The following ASIC3 variants were observed in gnomAD, a reference collection of about 807,000 sequenced individuals.
ASIC3 encodes acid sensing ion channel subunit 3.
ASIC3 carries 46 observed loss-of-function variants against 58.6 expected under a neutral mutation model. The ratio of observed to expected loss-of-function variants is 0.79; its 90% CI spans 0.62 to 1.00. The LOEUF is 1.00. ASIC3 is among the 50% of genes least tolerant of loss of function. The pLI, the probability that ASIC3 is intolerant of heterozygous loss-of-function variation, is 0.00. For missense variants in ASIC3, 770 were observed against 735.0 expected, an observed-to-expected ratio of 1.05 and a Z score of -0.55; for synonymous variants, 336 against 300.2, an observed-to-expected ratio of 1.12 and a Z score of -1.23.
At chr7:151,051,697 G>A in intron 6 of ASIC3, 113 bp from the exon 7 acceptor site, 1 of 1,107,546 alleles carries the variant, frequency 9.0e-7, no homozygotes, top group Admixed American at 1.8e-5. Flanking sequence ...GAGCCACCGT[G>A]CCCGGCCTCT....
rs371256322 is a variant in ASIC3 at position 151,051,771 on chromosome 7, C to T, written c.1215-39C>T. 2.6e-5 allele frequency: 42 copies of T among 1,598,670 alleles called. No homozygotes were observed. In the African/African-American group the frequency reaches 3.8e-4, roughly 14 times the overall value. On this transcript the variant is annotated intron_variant, in intron 6 of 10. Coordinates refer to ENST00000349064, the MANE Select transcript of ASIC3 (RefSeq NM_004769.4). ...CTTCTTGCCAGCAGTGGGCACCAGGCGGTGGCCAGCCCACATTTGAGGCCA... is the reference window on the plus strand; with the variant it reads ...CTTCTTGCCAGCAGTGGGCACCAGGTGGTGGCCAGCCCACATTTGAGGCCA...
intron 2 of ASIC3, 72 bp downstream of exon 2, chr7:151,050,328 A>AGAGGAGGT (rs1237461257): frequency 1.9e-6 from 3 of 1,574,868 alleles, no homozygotes; most frequent in African/African-American, 2.7e-5. Context: ...GGAGAGGAGG[A>AGAGGAGGT]GAGGAGGTGT....
chr7:151,050,520 A>G lies in ASIC3; in HGVS notation c.725A>G (p.His242Arg). 1 of 1,614,014 alleles carries G rather than the reference A, an allele frequency of 6.2e-7. No individual in the cohort carries two copies. Among genetic ancestry groups the G allele is most frequent in the East Asian group, 2.2e-5 (1 of 44,884 alleles). Residue 242 changes from histidine (H) to arginine (R), a missense_variant, in exon 3 of 11, where the codon CAC (histidine) becomes CGC (arginine). Transcript: ENST00000349064. ...PFEVGIRVQI[H>R]SQEEPPIIDQ... Reference sequence around the variant, plus strand: ...GAGGTGGGGATCCGAGTGCAGATCCACAGCCAGGAGGAGCCGCCCATCATC... The same window carrying G: ...GAGGTGGGGATCCGAGTGCAGATCCGCAGCCAGGAGGAGCCGCCCATCATC...
rs1165139946 is a variant in ASIC3, at chr7:151,050,343, G to C, written c.685+87G>C. On this transcript the variant is annotated intron_variant, in intron 2 of 10. Coordinates refer to ENST00000349064, the MANE Select transcript of ASIC3 (RefSeq NM_004769.4). ...GGAGAGGAGGAGAGGAGGTGTCAGG[G>C]TGTTCCCCCAGAACCTGTGAAAGGG... 1.9e-6 allele frequency: 3 copies of C among 1,568,952 alleles called. No homozygotes were observed. In the East Asian group the frequency reaches 6.8e-5, roughly 35 times the overall value.
chr7:151,048,913 G>A lies in ASIC3; in HGVS notation c.28G>A (p.Ala10Thr). The A allele has an allele frequency of 6.4e-7, 1 of 1,559,878 alleles. No homozygotes were observed. The highest frequency in any genetic ancestry group is 8.7e-7 in the Non-Finnish European group (1 of 1,149,002). The change falls in exon 1 of 11, where the codon GCC becomes ACC. Residue 10 changes from alanine to threonine, a missense_variant. Coordinates refer to ENST00000349064, the MANE Select transcript of ASIC3 (RefSeq NM_004769.4). ...GAAGCCCACCTCAGGCCCAGAGGAG[G>A]CCCGGCGGCCAGCCTCGGACATCCG... The part of the protein sequence containing the change: MKPTSGPEE[A>T]RRPASDIRVF...
chr7:151,051,080 GCCCA>G lies in ASIC3; in HGVS notation c.1055_1058del (p.His352ArgfsTer3), dbSNP rs759214498. The G allele has an allele frequency of 1.2e-6, 2 of 1,612,704 alleles. No homozygotes were observed. Among genetic ancestry groups the G allele is most frequent in the Non-Finnish European group, 1.7e-6 (2 of 1,179,906 alleles). On this transcript the variant is annotated frameshift_variant, in exon 5 of 11. Coordinates refer to ENST00000349064, the MANE Select transcript of ASIC3 (RefSeq NM_004769.4). LOFTEE classifies it high-confidence loss of function. Reference sequence around the variant, plus strand: ...CAGCCCCCAGCAGTACAAGAACTGTGCCCACCCGGCCATAGGTAAGGGCGAGCCT... The same window carrying G: ...CAGCCCCCAGCAGTACAAGAACTGTGCCCGGCCATAGGTAAGGGCGAGCCT...
In ASIC3 at chr7:151,049,129, C is replaced by T. The variant is rs1488882882; in HGVS notation, c.244C>T (p.His82Tyr). The change falls in exon 1 of 11, where the codon CAC (histidine) becomes TAC (tyrosine). Residue 82 changes from histidine (H) to tyrosine (Y), a missense_variant. Physicochemically the swap from His to Tyr is moderately conservative, Grantham distance 83 (BLOSUM62 2). Transcript: ENST00000349064. ...HQTALDERESHRLIFPAVTLC... is the reference protein window; with the variant it reads ...HQTALDERESYRLIFPAVTLC... ...GACTGCCCTGGATGAGCGAGAAAGCCACCGGCTCATCTTCCCGGCTGTCAC... is the reference window on the plus strand; with the variant it reads ...GACTGCCCTGGATGAGCGAGAAAGCTACCGGCTCATCTTCCCGGCTGTCAC... The T allele has an allele frequency of 6.2e-7, 1 of 1,613,894 alleles. No homozygotes were observed. The highest frequency in any genetic ancestry group is 1.1e-5 in the South Asian group (1 of 91,084).
intron 6 of ASIC3, among the ~76,000 whole-genome samples, 166 bp downstream of exon 6, chr7:151,051,485 G>A (rs1165135207): frequency 6.6e-6 from 1 of 151,972 alleles, no homozygotes; most frequent in Non-Finnish European, 1.5e-5. Context: ...TTCTGGCCCC[G>A]GGGGATGCTG....
In ASIC3 at chr7:151,050,491, G is replaced by A. The variant is rs1043938657; in HGVS notation, c.696G>A (p.Pro232=). 1.2e-5 allele frequency: 20 copies of A among 1,613,706 alleles called. No homozygotes were observed. The African/African-American group carries it at 1.7e-4, about 14-fold the overall frequency. The change falls in exon 3 of 11, where the codon CCG becomes CCA. Residue 232 remains proline (P), a synonymous_variant. Transcript: ENST00000349064. ...LPVWRDNEET[P]FEVGIRVQIH... ...GTCCCTCCCCGACAGAGGAGACCCC[G>A]TTTGAGGTGGGGATCCGAGTGCAGA...
chr7:151,050,079 G>A, intron 1 of ASIC3, 27 bp from the exon 2 acceptor site: 1 of 1,613,586 alleles, frequency 6.2e-7, no homozygotes, highest in Non-Finnish European at 8.5e-7. Flanking sequence ...TGGGGGAGAT[G>A]GCCATCACCC....
rs757647609 is a variant in ASIC3 at position 151,049,200 on chromosome 7, C to T, written c.315C>T (p.Asn105=). Residue 105 remains asparagine (N), a synonymous_variant, in exon 1 of 11, where the codon AAC becomes AAT. Transcript: ENST00000349064. ...TGCGCCGCTCGCGCCTAACGCCCAA[C>T]GACCTGCACTGGGCTGGGTCTGCGC... ...NPLRRSRLTP[N]DLHWAGSALL... The T allele has an allele frequency of 7.4e-6, 12 of 1,613,188 alleles. No homozygotes were observed. The highest frequency in any genetic ancestry group is 2.2e-5 in the East Asian group (1 of 44,884).
In ASIC3 at chr7:151,049,276, C is replaced by T. The variant is rs759793510; in HGVS notation, c.391C>T (p.Arg131Trp). The T allele has an allele frequency of 9.3e-6, 15 of 1,612,346 alleles. No homozygotes were observed. The highest frequency in any genetic ancestry group is 1.6e-4 in the Middle Eastern group (1 of 6,084). The change falls in exon 1 of 11, where the codon CGG becomes TGG. Residue 131 changes from arginine (R) to tryptophan (W), a missense_variant. By Grantham distance (101) the Arg-to-Trp change is moderately radical. Coordinates refer to ENST00000349064, the MANE Select transcript of ASIC3 (RefSeq NM_004769.4). Reference protein sequence around the residue: ...EHAAFLRALGRPPAPPGFMPS... With the variant: ...EHAAFLRALGWPPAPPGFMPS... Reference sequence around the variant, plus strand: ...CGCCGCCTTCCTGCGCGCCCTGGGCCGGCCCCCTGCACCGCCCGGCTTCAT... The same window carrying T: ...CGCCGCCTTCCTGCGCGCCCTGGGCTGGCCCCCTGCACCGCCCGGCTTCAT...
At position 151,052,550 on chromosome 7, in the gene ASIC3, C is replaced by T. The variant is rs1466658976; in HGVS notation, c.1518-24C>T. ...GACAGTGGGTGTGCCCGTTCCCACCCCAGCACTCTGCTCTGTTCCGAAGAC... is the reference window on the plus strand; with the variant it reads ...GACAGTGGGTGTGCCCGTTCCCACCTCAGCACTCTGCTCTGTTCCGAAGAC... On this transcript the variant is annotated intron_variant, in intron 10 of 10. Transcript: ENST00000349064. The surrounding 1 kb of genome is among the most constrained non-coding windows in gnomAD (Gnocchi z 5.0). 6.2e-7 allele frequency: 1 copy of T among 1,613,644 alleles called. No individual in the cohort carries two copies. Among genetic ancestry groups the T allele is most frequent in the East Asian group, 2.2e-5 (1 of 44,888 alleles).
chr7:151,049,487 C>A, intron 1 of ASIC3, 68 bp downstream of exon 1: 1 of 1,504,306 alleles, frequency 6.6e-7, no homozygotes, highest in Non-Finnish European at 8.9e-7. Context: ...CCAGCACCCA[C>A]AATTCCCTAG....
chr7:151,048,946 G>T lies in ASIC3; in HGVS notation c.61G>T (p.Ala21Ser), dbSNP rs374817631. The T allele has an allele frequency of 4.4e-6, 7 of 1,586,132 alleles. No individual in the cohort carries two copies. The highest frequency in any genetic ancestry group is 1.1e-5 in the South Asian group (1 of 88,088). Residue 21 changes from alanine to serine, a missense_variant, in exon 1 of 11, where the codon GCC becomes TCC. By Grantham distance (99) the Ala-to-Ser change is moderately conservative. Coordinates refer to ENST00000349064, the MANE Select transcript of ASIC3 (RefSeq NM_004769.4). Reference sequence around the variant, plus strand: ...GCCAGCCTCGGACATCCGCGTGTTCGCCAGCAACTGCTCGATGCACGGGCT... The same window carrying T: ...GCCAGCCTCGGACATCCGCGTGTTCTCCAGCAACTGCTCGATGCACGGGCT... ...RRPASDIRVF[A>S]SNCSMHGLGH... is the part of the protein sequence containing the mutation.
At position 151,050,168 on chromosome 7, in the gene ASIC3, C is replaced by T. The variant is rs771616059; in HGVS notation, c.597C>T (p.Leu199=). 6 of 1,614,032 alleles carry T rather than the reference C, an allele frequency of 3.7e-6. No homozygotes were observed. The highest frequency in any genetic ancestry group is 1.1e-5 in the South Asian group (1 of 91,084). ...CTGGCGCTGATGGGGCAGAGCTGCT[C>T]ACCACTACTAGGGGTGGCATGGGCA... ...FNSGADGAEL[L]TTTRGGMGNG... is the part of the protein sequence containing the mutation. The change falls in exon 2 of 11, where the codon CTC becomes CTT. Residue 199 remains leucine (L), a synonymous_variant. Transcript: ENST00000349064.
rs1563318777 is a variant in ASIC3, at chr7:151,050,265, C to T, written c.685+9C>T. 3 of 1,607,832 alleles carry T rather than the reference C, an allele frequency of 1.9e-6. No individual in the cohort carries two copies. The African/African-American group carries it at 4.0e-5, about 21-fold the overall frequency. On this transcript the variant is annotated intron_variant, in intron 2 of 10. Coordinates refer to ENST00000349064, the MANE Select transcript of ASIC3 (RefSeq NM_004769.4). ...TGTGTGGAGGGACAATGGTAGGGAGCACACAAATGAGGCTGGGGGAGGGCA... is the reference window on the plus strand; with the variant it reads ...TGTGTGGAGGGACAATGGTAGGGAGTACACAAATGAGGCTGGGGGAGGGCA...
Position 151,050,921 on chromosome 7 carries a change from G to A in ASIC3, c.977G>A (p.Arg326Gln), listed in dbSNP as rs1796758476. ...RLACETRYVA[R>Q]KCGCRMVYMP... ...GCCTGCGAAACCCGCTACGTGGCTC[G>A]GAAGTGCGGCTGCCGAATGGTGTAC... The change falls in exon 4 of 11, where the codon CGG (arginine) becomes CAG (glutamine). Residue 326 changes from arginine to glutamine, a missense_variant. Transcript: ENST00000349064. The A allele has an allele frequency of 6.2e-7, 1 of 1,613,512 alleles. No individual in the cohort carries two copies. Among genetic ancestry groups the A allele is most frequent in the Non-Finnish European group, 8.5e-7 (1 of 1,180,024 alleles).
Position 151,051,085 on chromosome 7 carries a change from C to T in ASIC3, c.1056C>T (p.His352=). 6.2e-7 allele frequency: 1 copy of T among 1,612,694 alleles called. No homozygotes were observed. Among genetic ancestry groups the T allele is most frequent in the Non-Finnish European group, 8.5e-7 (1 of 1,179,908 alleles). Residue 352 remains histidine, a synonymous_variant, in exon 5 of 11, where the codon CAC becomes CAT. Coordinates refer to ENST00000349064, the MANE Select transcript of ASIC3 (RefSeq NM_004769.4). ...CCCAGCAGTACAAGAACTGTGCCCA[C>T]CCGGCCATAGGTAAGGGCGAGCCTC... is the stretch of plus-strand genomic sequence containing the variant. ...CSPQQYKNCA[H]PAIDAMLRKD...
Sources: allele counts gnomAD v4.1 joint callset (sites outside exome capture counted in the v4.1 genomes callset), GRCh38; gene constraint gnomAD v4.1.1; non-coding constraint Gnocchi (gnomAD v3.1); transcripts MANE v1.5; gene names NCBI Gene and HGNC (gene_info 2026-07-23, HGNC 2026-07-21).